Variants in PRIMPOL observed in about 807,000 individuals in gnomAD.
The protein encoded by PRIMPOL is DNA-directed primase/polymerase protein.
In PRIMPOL, 54 loss-of-function variants were observed where a neutral mutation model predicts 63.6. That is an observed-to-expected ratio of 0.85 (90% CI 0.68 to 1.07). The LOEUF (loss-of-function observed/expected upper bound fraction) is 1.07. PRIMPOL is among the 50% of genes least tolerant of loss of function. The pLI is 0.00. For missense variants in PRIMPOL, 610 were observed against 648.3 expected (o/e 0.94, Z 0.64); for synonymous variants, 197 against 220.2 (o/e 0.89, Z 0.93).
chr4:184,694,467 T>C (rs1369324631), intron 13 of PRIMPOL, 55 bp from the exon 14 acceptor site: 1 of 1,573,746 alleles, frequency 6.4e-7, no homozygotes, highest in South Asian at 1.2e-5. Context: ...AAATCACATA[T>C]CCTGAGTAAA....
intron 5 of PRIMPOL, among the ~76,000 whole-genome samples, chr4:184,662,650 C>G (rs1312589316): frequency 6.6e-6 from 1 of 152,138 alleles, no homozygotes; most frequent in Non-Finnish European, 1.5e-5. Context: ...GGTACTGACA[C>G]TTACTGACTA....
At chr4:184,677,851 T>C (rs1472064722) in intron 7 of PRIMPOL, among the ~76,000 whole-genome samples, 2 of 152,224 alleles carry the variant, frequency 1.3e-5, no homozygotes, top group Admixed American at 6.5e-5. Flanking sequence ...AGAAATCTTA[T>C]CCATATTTGT....
At chr4:184,673,169 G>C (rs1423619511) in intron 7 of PRIMPOL, among the ~76,000 whole-genome samples, 4 of 142,236 alleles carry the variant, frequency 2.8e-5, no homozygotes, top group Non-Finnish European at 4.5e-5. Flanking sequence ...CCGCTCTTTA[G>C]CCCAGGCCGG....
chr4:184,666,983 A>G (rs870824), intron 6 of PRIMPOL, among the ~76,000 whole-genome samples: 6,495 of 152,308 alleles, frequency 0.043, 457 homozygotes, highest in African/African-American at 0.15. Flanking sequence ...GTGGGACAAG[A>G]GTCCAAACAG....
chr4:184,653,540 T>TG (rs1199755202), intron 2 of PRIMPOL, among the ~76,000 whole-genome samples: 1 of 152,042 alleles, frequency 6.6e-6, no homozygotes, highest in African/African-American at 2.4e-5. Context: ...TTAGTAGAGA[T>TG]GGGGTTTCAC....
intron 6 of PRIMPOL, among the ~76,000 whole-genome samples, chr4:184,667,382 C>T (rs1051306242): frequency 8.6e-5 from 13 of 151,920 alleles, no homozygotes; most frequent in African/African-American, 3.1e-4. Flanking sequence ...ACGTTCTTGG[C>T]TCACTGCAAC....
intron 9 of PRIMPOL, among the ~76,000 whole-genome samples, chr4:184,684,626 C>A (rs1183404228): frequency 1.3e-5 from 2 of 151,954 alleles, no homozygotes; most frequent in African/African-American, 4.8e-5. Context: ...ATGGTGAGCA[C>A]ACACCATGGG....
At chr4:184,650,383 G>T (rs1044509321) in intron 1 of PRIMPOL, among the ~76,000 whole-genome samples, 8 of 152,270 alleles carry the variant, frequency 5.3e-5, no homozygotes, top group African/African-American at 1.9e-4. Flanking sequence ...TAAGCCGGCT[G>T]TTGGGAGCTG....
chr4:184,678,684 C>T (rs555672472), intron 8 of PRIMPOL, among the ~76,000 whole-genome samples: 1 of 152,054 alleles, frequency 6.6e-6, no homozygotes. Flanking sequence ...CCTGCCACCA[C>T]ACCCGGCTAA....
chr4:184,681,433 G>T (rs567797833), intron 8 of PRIMPOL, among the ~76,000 whole-genome samples: 1 of 151,986 alleles, frequency 6.6e-6, no homozygotes, highest in Non-Finnish European at 1.5e-5. Context: ...TAACCCACAC[G>T]CATCCTCCCT....
At chr4:184,686,921 T>C (rs915487274) in intron 11 of PRIMPOL, among the ~76,000 whole-genome samples, 2 of 152,240 alleles carry the variant, frequency 1.3e-5, no homozygotes, top group African/African-American at 4.8e-5. Flanking sequence ...CAGCTATCAG[T>C]TGACGTTTCT....
At chr4:184,668,534 A>G (rs937185047) in intron 6 of PRIMPOL, among the ~76,000 whole-genome samples, 3 of 152,212 alleles carry the variant, frequency 2.0e-5, no homozygotes, top group African/African-American at 7.2e-5. Context: ...CCTGGGCCAC[A>G]TTTCCTCTAG....
chr4:184,666,095 G>A, intron 6 of PRIMPOL, 31 bp downstream of exon 6: 2 of 1,536,502 alleles, frequency 1.3e-6, no homozygotes, highest in Non-Finnish European at 1.8e-6. Context: ...AAATCATGGA[G>A]TTGTATTCAA....
At chr4:184,674,517 T>C (rs781150365) in intron 7 of PRIMPOL, among the ~76,000 whole-genome samples, 29 of 152,136 alleles carry the variant, frequency 1.9e-4, no homozygotes, top group Non-Finnish European at 4.1e-4. Flanking sequence ...TACTGTGTAA[T>C]TGGAATCATA....
intron 8 of PRIMPOL, among the ~76,000 whole-genome samples, chr4:184,678,980 G>T (rs570531105): frequency 6.6e-6 from 1 of 151,918 alleles, no homozygotes; most frequent in African/African-American, 2.4e-5. Context: ...TATCACTTCT[G>T]TAAAGAAGAA....
At chr4:184,650,938 C>T (rs1320885229) in intron 1 of PRIMPOL, among the ~76,000 whole-genome samples, 1 of 152,076 alleles carries the variant, frequency 6.6e-6, no homozygotes, top group Non-Finnish European at 1.5e-5. Flanking sequence ...TCAACAATCC[C>T]TCGGGATAGG....
chr4:184,661,775 A>G lies in PRIMPOL; in HGVS notation c.280A>G (p.Lys94Glu), dbSNP rs779743972. The change falls in exon 5 of 14, where the codon AAA becomes GAA. Residue 94 changes from lysine to glutamate, a missense_variant and splice_region_variant. Physicochemically the swap from Lys to Glu is moderately conservative, Grantham distance 56. Coordinates refer to ENST00000314970, the MANE Select transcript of PRIMPOL (RefSeq NM_152683.4). ...AEFWFYYKSR[K>E]NLLHCYEVIP... is the part of the protein sequence containing the mutation. ...ACAATCTTGAATTATTCAATTTAGA[A>G]AAAATCTCTTACACTGCTATGAAGT... The G allele has an allele frequency of 3.1e-6, 5 of 1,592,154 alleles. No homozygotes were observed. Among genetic ancestry groups the G allele is most frequent in the Non-Finnish European group, 4.3e-6 (5 of 1,164,872 alleles).
intron 5 of PRIMPOL, among the ~76,000 whole-genome samples, chr4:184,662,313 G>A (rs1748578462): frequency 6.6e-6 from 1 of 152,166 alleles, no homozygotes; most frequent in Admixed American, 6.5e-5. Context: ...GAATTTTCAA[G>A]CTTGCAGGAA....
chr4:184,675,144 A>G (rs1024941559), intron 7 of PRIMPOL, among the ~76,000 whole-genome samples: 12 of 152,240 alleles, frequency 7.9e-5, no homozygotes, highest in African/African-American at 2.9e-4. Context: ...ACCTGAGCTC[A>G]CCGCAATAGC....
Sources: allele counts gnomAD v4.1 joint callset (sites outside exome capture counted in the v4.1 genomes callset), GRCh38; gene constraint gnomAD v4.1.1; transcripts MANE v1.5; gene names NCBI Gene and HGNC (gene_info 2026-07-23, HGNC 2026-07-21).